Variants in TTC1 observed in about 807,000 individuals in gnomAD.
The protein encoded by TTC1 is tetratricopeptide repeat domain 1, also known as tetratricopeptide repeat protein 1.
TTC1 carries 31 observed loss-of-function variants against 37.6 expected under a neutral mutation model. The ratio of observed to expected loss-of-function variants is 0.82; its 90% CI spans 0.62 to 1.11. TTC1 has a LOEUF of 1.11. Ranked by LOEUF, TTC1 falls within the 50% of genes most tolerant of loss-of-function variation. The probability of loss-of-function intolerance (pLI) is 0.00; values close to 1 mark genes in which losing one functional copy is unlikely to be tolerated. For missense variants in TTC1, 351 were observed against 339.0 expected (o/e 1.04, Z -0.28); for synonymous variants, 127 against 122.4 (o/e 1.04, Z -0.25).
intron 2 of TTC1, among the ~76,000 whole-genome samples, chr5:160,030,118 A>T (rs779014213): frequency 6.6e-6 from 1 of 152,268 alleles, no homozygotes; most frequent in African/African-American, 2.4e-5. Context: ...TACAGTCTGC[A>T]TTCAAAGAAA....
At chr5:160,051,298 C>A in intron 7 of TTC1, 115 bp downstream of exon 7, 2 of 770,806 alleles carry the variant, frequency 2.6e-6, no homozygotes, top group Non-Finnish European at 4.0e-6. Flanking sequence ...TACCACAAGG[C>A]TACTGACTTC....
chr5:160,018,808 T>TA (rs1354219035), intron 2 of TTC1, among the ~76,000 whole-genome samples: 5 of 152,204 alleles, frequency 3.3e-5, no homozygotes, highest in Admixed American at 1.3e-4. Context: ...AATTAGGCTC[T>TA]AATGCAGTAG....
intron 4 of TTC1, among the ~76,000 whole-genome samples, chr5:160,041,198 T>G (rs907713379): frequency 3.3e-5 from 5 of 151,962 alleles, no homozygotes; most frequent in African/African-American, 7.2e-5. Context: ...GACAGTACAC[T>G]TTTTTTTAGT....
At chr5:160,009,791 A>G (rs951086682) in intron 1 of TTC1, among the ~76,000 whole-genome samples, 1 of 152,150 alleles carries the variant, frequency 6.6e-6, no homozygotes, top group Non-Finnish European at 1.5e-5. Flanking sequence ...CACCTGCGCC[A>G]GGGTTCCCCT....
chr5:160,049,278 G>A (rs4307125), intron 5 of TTC1, among the ~76,000 whole-genome samples: 77,439 of 151,986 alleles, frequency 0.51, 20,859 homozygotes, highest in East Asian at 0.62. Flanking sequence ...GCCTGCTCTC[G>A]TGCTACAATA....
chr5:160,029,481 C>CAA (rs61227502), intron 2 of TTC1, among the ~76,000 whole-genome samples: 8,674 of 79,748 alleles, frequency 0.11, 548 homozygotes, highest in African/African-American at 0.19. Context: ...CCCATCTCTA[C>CAA]AAAAAAAAAA....
intron 7 of TTC1, among the ~76,000 whole-genome samples, chr5:160,063,234 A>G (rs1183973447): frequency 1.3e-5 from 2 of 152,170 alleles, no homozygotes; most frequent in Non-Finnish European, 2.9e-5. Context: ...TGTAAAGGCC[A>G]TGCGTTTTTT....
intron 2 of TTC1, among the ~76,000 whole-genome samples, chr5:160,030,866 A>T (rs1262698979): frequency 6.6e-6 from 1 of 152,188 alleles, no homozygotes; most frequent in Non-Finnish European, 1.5e-5. Context: ...TTTTAACCAC[A>T]TTAGAAGCTT....
intron 7 of TTC1, among the ~76,000 whole-genome samples, chr5:160,052,607 A>G (rs1757435779): frequency 6.8e-6 from 1 of 147,772 alleles, no homozygotes; most frequent in South Asian, 2.2e-4. Flanking sequence ...TTTCTTGCTA[A>G]AAAAGATGAC....
At chr5:160,016,239 A>G (rs1164879711) in intron 2 of TTC1, among the ~76,000 whole-genome samples, 1 of 152,144 alleles carries the variant, frequency 6.6e-6, no homozygotes, top group South Asian at 2.1e-4. Flanking sequence ...TTAGCCAGGT[A>G]TGGCGGTGCA....
At position 160,043,186 on chromosome 5, in the gene TTC1, T is replaced by G; in HGVS notation, c.541+17T>G. On this transcript the variant is annotated intron_variant, in intron 5 of 7. Transcript: ENST00000231238. Reference sequence around the variant, plus strand: ...GCAGCAAAGGTACAGCTTTATTATCTTATTACATGTTAACATACAGGAGCA... The same window carrying G: ...GCAGCAAAGGTACAGCTTTATTATCGTATTACATGTTAACATACAGGAGCA... 6.2e-7 allele frequency: 1 copy of G among 1,613,050 alleles called. No homozygotes were observed. Among genetic ancestry groups the G allele is most frequent in the Non-Finnish European group, 8.5e-7 (1 of 1,179,480 alleles).
chr5:160,052,984 T>G (rs528433199), intron 7 of TTC1, among the ~76,000 whole-genome samples: 65 of 152,306 alleles, frequency 4.3e-4, no homozygotes, highest in African/African-American at 1.5e-3. Flanking sequence ...TTTCCCTTAA[T>G]GAGTATAAAA....
intron 5 of TTC1, among the ~76,000 whole-genome samples, chr5:160,047,140 A>G (rs957877999): frequency 6.6e-6 from 1 of 152,216 alleles, no homozygotes; most frequent in South Asian, 2.1e-4. Context: ...TGTATGGCAG[A>G]GTTTCTGTCT....
chr5:160,010,336 A>G (rs1756474217), intron 1 of TTC1, among the ~76,000 whole-genome samples, 164 bp from the exon 2 acceptor site: 1 of 151,852 alleles, frequency 6.6e-6, no homozygotes. Flanking sequence ...ACGATTTGAC[A>G]TTATTATTAC....
At chr5:160,031,683 C>G (rs918502421) in intron 2 of TTC1, among the ~76,000 whole-genome samples, 1 of 152,050 alleles carries the variant, frequency 6.6e-6, no homozygotes, top group Non-Finnish European at 1.5e-5. Flanking sequence ...TTTGCTACCT[C>G]AACTTTCAGT....
At chr5:160,023,347 A>C (rs1354954068) in intron 2 of TTC1, among the ~76,000 whole-genome samples, 1 of 144,668 alleles carries the variant, frequency 6.9e-6, no homozygotes, top group Admixed American at 7.0e-5. Flanking sequence ...GCTGGAGTGC[A>C]GTGACGCAAT....
intron 2 of TTC1, among the ~76,000 whole-genome samples, chr5:160,027,267 G>A (rs768934630): frequency 6.6e-6 from 1 of 152,116 alleles, no homozygotes; most frequent in South Asian, 2.1e-4. Context: ...GAGTTCAAGC[G>A]ATCTGCCTAC....
At chr5:160,047,247 C>T (rs1172464205) in intron 5 of TTC1, among the ~76,000 whole-genome samples, 1 of 151,980 alleles carries the variant, frequency 6.6e-6, no homozygotes, top group Non-Finnish European at 1.5e-5. Flanking sequence ...TTTAACGTGC[C>T]CAGCCCCCAC....
At chr5:160,014,100 C>T (rs796523019) in intron 2 of TTC1, among the ~76,000 whole-genome samples, 6 of 152,264 alleles carry the variant, frequency 3.9e-5, no homozygotes, top group African/African-American at 1.4e-4. Flanking sequence ...CACCTATAAT[C>T]CCAGCACTCT....
Sources: gnomAD v4.1 joint callset for allele counts (sites outside exome capture counted in the v4.1 genomes callset) on GRCh38, gnomAD v4.1.1 for gene constraint, MANE v1.5 for transcripts, NCBI Gene and HGNC (gene_info 2026-07-23, HGNC 2026-07-21) for gene names.